SPIDR: variants seen among roughly 807,000 people sequenced by gnomAD.
The protein encoded by SPIDR is DNA repair-scaffolding protein.
Under a neutral mutation model 104.6 loss-of-function variants are expected in SPIDR, and 93 were observed. That is an observed-to-expected ratio of 0.89 (90% CI 0.75 to 1.06). The LOEUF is 1.06. Ranked by LOEUF, SPIDR falls within the 50% of genes least tolerant of loss-of-function variation. The probability of loss-of-function intolerance (pLI) is 0.00; values close to 1 mark genes in which losing one functional copy is unlikely to be tolerated. For synonymous variants in SPIDR, 431 were observed against 416.9 expected, an observed-to-expected ratio of 1.03 and a Z score of -0.41; for missense variants, 1,154 against 1,111.2, an observed-to-expected ratio of 1.04 and a Z score of -0.55.
chr8:47,604,858 C>A (rs546560001), intron 10 of SPIDR, among the ~76,000 whole-genome samples: 1 of 152,210 alleles, frequency 6.6e-6, no homozygotes, highest in Non-Finnish European at 1.5e-5. Flanking sequence ...ACATACCTTA[C>A]GCCCAGAGGG....
In SPIDR at chr8:47,272,037, C is replaced by T. The variant is rs1036700554; in HGVS notation, c.34-7825C>T. The stretch of plus-strand genomic sequence containing the variant: ...TTGCTCAGGCTGTAGTGCAATGGCA[C>T]GATCTCGGTTCACTGCAACTTCTGC... On this transcript the variant is annotated intron_variant, in intron 1 of 19. Transcript: ENST00000297423. 9.2e-5 allele frequency among the ~76,000 whole-genome samples: 14 copies of T among 152,122 alleles called. No homozygotes were observed. The East Asian group carries it at 1.4e-3, about 15-fold the overall frequency.
chr8:47,519,123 T>TTTG (rs371410579), intron 8 of SPIDR, among the ~76,000 whole-genome samples: 10,895 of 151,064 alleles, frequency 0.072, 398 homozygotes, highest in African/African-American at 0.092. Flanking sequence ...GGCTATGTGT[T>TTTG]TTGTTGTTGT....
intron 5 of SPIDR, among the ~76,000 whole-genome samples, chr8:47,390,374 A>G (rs1330725885): frequency 6.6e-6 from 1 of 152,142 alleles, no homozygotes; most frequent in Non-Finnish European, 1.5e-5. Flanking sequence ...GTCTACCAAC[A>G]GTGAAATAGA....
chr8:47,701,899 T>C (rs2080240078), intron 13 of SPIDR, 35 bp downstream of exon 13: 1 of 1,614,034 alleles, frequency 6.2e-7, no homozygotes, highest in African/African-American at 1.3e-5. Flanking sequence ...TTTTTAGGTA[T>C]TGGCCACGTC....
chr8:47,299,968 A>C (rs1298264246), intron 5 of SPIDR, among the ~76,000 whole-genome samples: 1 of 152,162 alleles, frequency 6.6e-6, no homozygotes, highest in Non-Finnish European at 1.5e-5. Flanking sequence ...GGCCTCATAA[A>C]ATGCGTTAGG....
At chr8:47,727,115 A>G (rs2084364531) in intron 16 of SPIDR, 85 bp from the exon 17 acceptor site, 8 of 1,142,864 alleles carry the variant, frequency 7.0e-6, no homozygotes, top group Non-Finnish European at 9.1e-6. Context: ...GAGGCCCCTC[A>G]TGTTGTCCTC....
At chr8:47,452,931 T>C (rs184497634) in intron 8 of SPIDR, among the ~76,000 whole-genome samples, 5 of 152,176 alleles carry the variant, frequency 3.3e-5, no homozygotes, top group Admixed American at 3.3e-4. Flanking sequence ...TGTCCCTGTT[T>C]GTAGATGACA....
At chr8:47,421,139 G>A (rs1346275463) in intron 7 of SPIDR, among the ~76,000 whole-genome samples, 1 of 152,172 alleles carries the variant, frequency 6.6e-6, no homozygotes, top group African/African-American at 2.4e-5. Context: ...TGTATTTGCT[G>A]AATCTGAATT....
At chr8:47,329,742 A>G (rs2154267265) in intron 5 of SPIDR, among the ~76,000 whole-genome samples, 1 of 152,318 alleles carries the variant, frequency 6.6e-6, no homozygotes, top group Non-Finnish European at 1.5e-5. Context: ...AAAGGAGAGC[A>G]AGTATACGTT....
At chr8:47,475,080 A>G (rs577991384) in intron 8 of SPIDR, among the ~76,000 whole-genome samples, 2 of 152,366 alleles carry the variant, frequency 1.3e-5, no homozygotes, top group African/African-American at 4.8e-5. Context: ...TTCTTCAACT[A>G]CTAACATGAC....
chr8:47,368,911 T>C (rs1338783289), intron 5 of SPIDR, among the ~76,000 whole-genome samples: 1 of 152,194 alleles, frequency 6.6e-6, no homozygotes, highest in East Asian at 1.9e-4. Flanking sequence ...GGAAACAGCT[T>C]CTATCAGAGG....
intron 1 of SPIDR, among the ~76,000 whole-genome samples, chr8:47,268,519 G>C (rs1027209549): frequency 6.6e-6 from 1 of 152,146 alleles, no homozygotes; most frequent in Non-Finnish European, 1.5e-5. Context: ...CAGTGAAAAA[G>C]TCCTGCACTT....
chr8:47,549,113 T>C (rs549969127), intron 8 of SPIDR, among the ~76,000 whole-genome samples: 2 of 152,362 alleles, frequency 1.3e-5, no homozygotes, highest in African/African-American at 2.4e-5. Flanking sequence ...TCCTTTCTTA[T>C]GGCTGCATAG....
chr8:47,504,523 G>T (rs368747715), intron 8 of SPIDR, among the ~76,000 whole-genome samples: 2 of 152,136 alleles, frequency 1.3e-5, no homozygotes, highest in South Asian at 4.2e-4. Flanking sequence ...GGTTATTCTA[G>T]TTAGCCATTC....
intron 5 of SPIDR, among the ~76,000 whole-genome samples, chr8:47,297,924 G>T (rs1319190745): frequency 1.3e-5 from 2 of 152,260 alleles, no homozygotes; most frequent in East Asian, 3.9e-4. Context: ...TCGTACGTGG[G>T]CATGTGTCTT....
intron 5 of SPIDR, among the ~76,000 whole-genome samples, chr8:47,324,513 G>T (rs1309492658): frequency 6.6e-6 from 1 of 152,164 alleles, no homozygotes; most frequent in Non-Finnish European, 1.5e-5. Flanking sequence ...TAGATCTTTT[G>T]ATTTCAACAT....
intron 5 of SPIDR, among the ~76,000 whole-genome samples, chr8:47,310,178 C>CA (rs1563562474): frequency 6.9e-6 from 1 of 145,198 alleles, no homozygotes; most frequent in East Asian, 2.0e-4. Flanking sequence ...ACTAAAAATA[C>CA]AAAAAATTAG....
chr8:47,589,773 T>G (rs2060766271), intron 8 of SPIDR, among the ~76,000 whole-genome samples: 1 of 152,186 alleles, frequency 6.6e-6, no homozygotes, highest in South Asian at 2.1e-4. Flanking sequence ...ATCTTCTGCC[T>G]TTTTTCATTT....
chr8:47,344,255 G>A (rs1213815219), intron 5 of SPIDR, among the ~76,000 whole-genome samples: 1 of 152,064 alleles, frequency 6.6e-6, no homozygotes, highest in African/African-American at 2.4e-5. Flanking sequence ...TGTTCAGAAT[G>A]ATGGTTTCCA....
Sources: allele counts gnomAD v4.1 joint callset (sites outside exome capture counted in the v4.1 genomes callset), GRCh38; gene constraint gnomAD v4.1.1; transcripts MANE v1.5; gene names NCBI Gene and HGNC (gene_info 2026-07-23, HGNC 2026-07-21).